SEMA3C: variants seen among roughly 807,000 people sequenced by gnomAD.
SEMA3C encodes semaphorin-3C.
Under a neutral mutation model 89.4 loss-of-function variants are expected in SEMA3C, and 47 were observed. That is an observed-to-expected ratio of 0.53 (90% CI 0.42 to 0.67). The LOEUF (loss-of-function observed/expected upper bound fraction) is 0.67, where lower values mean the gene tolerates loss of function less well. Among genes scored for constraint, SEMA3C ranks in the 30% least tolerant of loss-of-function variants. SEMA3C has a pLI of 0.00. For synonymous variants in SEMA3C, 310 were observed against 320.2 expected (o/e 0.97, Z 0.34); for missense variants, 839 against 929.1 (o/e 0.90, Z 1.26).
At chr7:80,812,182 T>C (rs1430019622) in intron 5 of SEMA3C, among the ~76,000 whole-genome samples, 1 of 152,200 alleles carries the variant, frequency 6.6e-6, no homozygotes, top group Admixed American at 6.5e-5. Context: ...TTTGAGTTTC[T>C]ATACTACTGC....
At chr7:80,919,743 C>T (rs1469497874), upstream of SEMA3C, among the ~76,000 whole-genome samples, 1 of 151,988 alleles carries the variant, frequency 6.6e-6, no homozygotes, top group Non-Finnish European at 1.5e-5. Flanking sequence ...CTCCCACCAC[C>T]ACGCCCAGCT....
At chr7:80,903,267 C>G (rs890276190) in intron 2 of SEMA3C, among the ~76,000 whole-genome samples, 5 of 152,154 alleles carry the variant, frequency 3.3e-5, no homozygotes, top group African/African-American at 1.2e-4. Flanking sequence ...ACCTGTACAG[C>G]ACGTTACTGT....
chr7:80,894,134 T>C (rs982396736), intron 2 of SEMA3C, among the ~76,000 whole-genome samples: 4 of 152,230 alleles, frequency 2.6e-5, no homozygotes, highest in Admixed American at 1.3e-4. Context: ...TAGATAATAC[T>C]GTCTACATAC....
intron 2 of SEMA3C, among the ~76,000 whole-genome samples, chr7:80,861,591 T>C (rs1326238388): frequency 6.6e-6 from 1 of 152,178 alleles, no homozygotes; most frequent in Non-Finnish European, 1.5e-5. Context: ...AGCTATGAAT[T>C]TAAACATTTA....
At chr7:80,763,704 C>T (rs1718076872) in intron 13 of SEMA3C, among the ~76,000 whole-genome samples, 1 of 152,122 alleles carries the variant, frequency 6.6e-6, no homozygotes, top group Non-Finnish European at 1.5e-5. Context: ...AAATGAAGTG[C>T]TGCTATATGA....
intron 2 of SEMA3C, among the ~76,000 whole-genome samples, chr7:80,855,961 T>C (rs1433475393): frequency 6.6e-6 from 1 of 152,178 alleles, no homozygotes; most frequent in African/African-American, 2.4e-5. Context: ...GAATCATGAA[T>C]TCATGAAAAA....
intron 2 of SEMA3C, among the ~76,000 whole-genome samples, chr7:80,856,079 T>A (rs1308087531): frequency 6.6e-6 from 1 of 152,220 alleles, no homozygotes; most frequent in Middle Eastern, 3.4e-3. Context: ...GCAAAGGAAT[T>A]TTTTATTAAA....
chr7:80,917,551 A>G (rs897586349), intron 1 of SEMA3C, among the ~76,000 whole-genome samples: 4 of 152,228 alleles, frequency 2.6e-5, no homozygotes, highest in Non-Finnish European at 4.4e-5. Context: ...CAAAATTCCC[A>G]AAGATAAATC....
chr7:80,754,957 G>GTTTTTTTTTTTTTTT (rs1368382376), intron 15 of SEMA3C, among the ~76,000 whole-genome samples: 2 of 108,366 alleles, frequency 1.8e-5, no homozygotes, highest in Non-Finnish European at 3.7e-5. Flanking sequence ...GTTTTTTTTT[G>GTTTTTTTTTTTTTTT]TTTTTTTTTT....
chr7:80,852,677 A>ATTTTTT (rs751469979), intron 2 of SEMA3C, among the ~76,000 whole-genome samples: 7 of 137,972 alleles, frequency 5.1e-5, no homozygotes, highest in African/African-American at 1.3e-4. Flanking sequence ...CTGAATAGAC[A>ATTTTTT]TTTTTTTTTT....
intron 2 of SEMA3C, among the ~76,000 whole-genome samples, chr7:80,907,414 T>C (rs1003254531): frequency 2.1e-4 from 32 of 152,182 alleles, no homozygotes; most frequent in African/African-American, 7.7e-4. Flanking sequence ...ATACACTCAT[T>C]GTTTTATTCC....
chr7:80,904,597 T>C (rs1791961795), intron 2 of SEMA3C, among the ~76,000 whole-genome samples: 1 of 152,164 alleles, frequency 6.6e-6, no homozygotes, highest in South Asian at 2.1e-4. Context: ...AACTTTAATT[T>C]TTAGTAACGA....
upstream of SEMA3C, among the ~76,000 whole-genome samples, chr7:80,919,563 TTTTTTTG>T (rs201080973): frequency 3.3e-3 from 472 of 145,220 alleles, 2 homozygotes; most frequent in African/African-American, 0.012. Flanking sequence ...TGCTGCGTTT[TTTTTTTG>T]TTTTTTGTTT....
At chr7:80,892,002 C>T (rs868830296) in intron 2 of SEMA3C, among the ~76,000 whole-genome samples, 1 of 152,016 alleles carries the variant, frequency 6.6e-6, no homozygotes, top group Non-Finnish European at 1.5e-5. Context: ...ATACTATCTT[C>T]CCCAAAAAAT....
At chr7:80,856,758 T>C (rs1389216045) in intron 2 of SEMA3C, among the ~76,000 whole-genome samples, 2 of 152,118 alleles carry the variant, frequency 1.3e-5, no homozygotes, top group South Asian at 2.1e-4. Context: ...TCTCTGCTGC[T>C]GATGAGCTAG....
At chr7:80,778,687 T>C (rs1387720129) in intron 12 of SEMA3C, among the ~76,000 whole-genome samples, 4 of 147,116 alleles carry the variant, frequency 2.7e-5, no homozygotes, top group Non-Finnish European at 6.0e-5. Context: ...TCTCAGGTCT[T>C]TCCATCTGGA....
intron 16 of SEMA3C, among the ~76,000 whole-genome samples, chr7:80,750,166 T>G (rs1362896410): frequency 6.6e-6 from 1 of 151,906 alleles, no homozygotes; most frequent in East Asian, 1.9e-4. Flanking sequence ...CTGTAGCACC[T>G]TGACGAGCCA....
chr7:80,899,197 C>T (rs746639193), intron 2 of SEMA3C, among the ~76,000 whole-genome samples: 43 of 152,088 alleles, frequency 2.8e-4, no homozygotes, highest in African/African-American at 4.1e-4. Flanking sequence ...TGTGCCACTG[C>T]GCCCGGCTAC....
intron 2 of SEMA3C, among the ~76,000 whole-genome samples, chr7:80,842,583 G>GT (rs1790294936): frequency 6.6e-6 from 1 of 152,056 alleles, no homozygotes; most frequent in East Asian, 1.9e-4. Flanking sequence ...GAGAAATCCA[G>GT]TTTGACCTAA....
Sources: allele counts gnomAD v4.1 joint callset (sites outside exome capture counted in the v4.1 genomes callset), GRCh38; gene constraint gnomAD v4.1.1; transcripts MANE v1.5; gene names NCBI Gene and HGNC (gene_info 2026-07-23, HGNC 2026-07-21).